SLC9A5: variants seen among roughly 807,000 people sequenced by gnomAD.
The protein encoded by SLC9A5 is sodium/hydrogen exchanger 5.
SLC9A5 carries 52 observed loss-of-function variants against 91.7 expected under a neutral mutation model. The ratio of observed to expected loss-of-function variants is 0.57; its 90% confidence interval spans 0.45 to 0.71. The LOEUF is 0.71. Ranked by LOEUF, SLC9A5 falls within the 30% of genes least tolerant of loss-of-function variation. The pLI, the probability that SLC9A5 is intolerant of heterozygous loss-of-function variation, is 0.00. For missense variants in SLC9A5, 871 were observed against 1,158.9 expected (o/e 0.75, Z 3.61); for synonymous variants, 419 against 474.5 (o/e 0.88, Z 1.52).
intron 1 of SLC9A5, among the ~76,000 whole-genome samples, chr16:67,251,985 A>C (rs1221284322): frequency 6.6e-6 from 1 of 152,172 alleles, no homozygotes; most frequent in Non-Finnish European, 1.5e-5. Context: ...CTGAGGATGA[A>C]AGTATAAAGG....
At position 67,248,982 on chromosome 16, in the gene SLC9A5, C is replaced by T. The variant is rs2034990917; in HGVS notation, c.-33C>T. The T allele has an allele frequency of 4.2e-6, 5 of 1,188,256 alleles. No homozygotes were observed. The highest frequency in any genetic ancestry group is 3.1e-6 in the Non-Finnish European group (3 of 959,618). The allele number at this position is 1,188,256 out of a possible 1,614,324, so 73.6% of individuals were successfully genotyped here. On this transcript the variant is annotated 5_prime_UTR_variant, in exon 1 of 16. Transcript: ENST00000299798. The surrounding 1 kb of genome is among the most constrained non-coding windows in gnomAD (Gnocchi z 5.3). Reference sequence around the variant, plus strand: ...CGGCGACGCGGGGCCGGCGGCCGTGCGGTGCCGGGAGGGCGGCTGGGCAGG... The same window carrying T: ...CGGCGACGCGGGGCCGGCGGCCGTGTGGTGCCGGGAGGGCGGCTGGGCAGG...
chr16:67,265,084 A>G lies in SLC9A5; in HGVS notation c.2058A>G (p.Arg686=). Residue 686 remains arginine (R), a synonymous_variant, in exon 14 of 16, where the codon CGA becomes CGG. Transcript: ENST00000299798. ...ANAEATNGKH[R]GLGFQDTAAV... ...CTGAGGCTACAAATGGGAAACATCG[A>G]GGCCTGGGCTTTCAGGACACAGGCA... is the stretch of plus-strand genomic sequence containing the variant. The G allele has an allele frequency of 6.2e-7, 1 of 1,614,124 alleles. No homozygotes were observed. The highest frequency in any genetic ancestry group is 8.5e-7 in the Non-Finnish European group (1 of 1,180,020).
chr16:67,249,169 T>C lies in SLC9A5; in HGVS notation c.155T>C (p.Leu52Pro). The change falls in exon 1 of 16, where the codon CTG (leucine) becomes CCG (proline). Residue 52 changes from leucine to proline, a missense_variant. Leu to Pro is a moderately conservative substitution (Grantham distance 98). Around this residue, in one of 3 missense-constraint regions of SLC9A5, gnomAD observed 122 missense variants for 114.5 expected, o/e 1.07. Transcript: ENST00000299798. ...GTGGAGGCGCCCTACCTGGTGGCCC[T>C]GTGGATCCTGGTGGCCAGTCTGGCC... The part of the protein sequence containing the change: ...HEVEAPYLVA[L>P]WILVASLAKI... 6.4e-7 allele frequency: 1 copy of C among 1,558,066 alleles called. No homozygotes were observed. The highest frequency in any genetic ancestry group is 8.6e-7 in the Non-Finnish European group (1 of 1,157,930).
intron 2 of SLC9A5, among the ~76,000 whole-genome samples, chr16:67,253,173 C>CT (rs972998282): frequency 6.6e-6 from 1 of 152,182 alleles, no homozygotes; most frequent in African/African-American, 2.4e-5. Context: ...TGAGGCATAG[C>CT]TGTGCATCAT....
In SLC9A5 at chr16:67,266,318, CTATTCACTAGTT is replaced by C. The variant is rs950916210; in HGVS notation, c.2218+100_2218+111del. ...CTCTACTCCAGACAACTCCCTTTTC[CTATTCACTAGTT>C]TATTCATCAGCCAGCATTTGCAGAG... On this transcript the variant is annotated intron_variant, in intron 15 of 15. Coordinates refer to ENST00000299798, the MANE Select transcript of SLC9A5 (RefSeq NM_004594.3). The C allele has an allele frequency of 3.0e-5, 38 of 1,267,962 alleles. No homozygotes were observed. In the African/African-American group the frequency reaches 5.9e-4, roughly 20 times the overall value. The allele number at this position is 1,267,962 out of a possible 1,614,324, so 78.5% of individuals were successfully genotyped here.
chr16:67,259,782 G>A lies in SLC9A5; in HGVS notation c.1716-38G>A, dbSNP rs748638115. The stretch of plus-strand genomic sequence containing the variant: ...CTGCCCTTCTCCTGGACTGCCTCCT[G>A]CCCCCTCTCCAGCACATGTGTCCCC... On this transcript the variant is annotated intron_variant, in intron 11 of 15. Coordinates refer to ENST00000299798, the MANE Select transcript of SLC9A5 (RefSeq NM_004594.3). 7 of 1,608,504 alleles carry A rather than the reference G, an allele frequency of 4.4e-6. No individual in the cohort carries two copies. In the Admixed American group the frequency reaches 6.7e-5, roughly 15 times the overall value.
intron 12 of SLC9A5, chr16:67,263,246 G>T (rs564356080): frequency 6.6e-6 from 1 of 152,310 alleles, no homozygotes; most frequent in Admixed American, 6.6e-5. Flanking sequence ...GGTACCTCCT[G>T]GTGCATAGGT....
In SLC9A5 at chr16:67,255,828, G is replaced by C; in HGVS notation, c.809G>C (p.Arg270Pro). The change falls in exon 5 of 16, where the codon CGC becomes CCC. Residue 270 changes from arginine to proline, a missense_variant. Arg to Pro is a moderately radical substitution (Grantham distance 103). This residue lies in a region of SLC9A5 where 454 missense variants were observed against 718.3 expected (regional missense o/e 0.63). Transcript: ENST00000299798. This position sits in a 1 kb window ranked among gnomAD's most constrained non-coding sequence, Gnocchi z 4.9. ...VFAFLLALTT[R>P]FTKRVRIIEP... Reference sequence around the variant, plus strand: ...GCCTTCCTCCTGGCCCTGACCACACGCTTCACCAAGCGGGTCCGCATCATC... The same window carrying C: ...GCCTTCCTCCTGGCCCTGACCACACCCTTCACCAAGCGGGTCCGCATCATC... The C allele has an allele frequency of 6.2e-7, 1 of 1,610,072 alleles. No individual in the cohort carries two copies. The highest frequency in any genetic ancestry group is 8.5e-7 in the Non-Finnish European group (1 of 1,178,176).
intron 12 of SLC9A5, chr16:67,262,036 G>A: frequency 3.1e-6 from 1 of 317,620 alleles, no homozygotes; most frequent in Non-Finnish European, 6.3e-6. Flanking sequence ...TTAAAAATCT[G>A]GAATAAGTTT....
intron 2 of SLC9A5, among the ~76,000 whole-genome samples, chr16:67,254,018 G>A (rs1261057231): frequency 1.3e-5 from 2 of 152,142 alleles, no homozygotes; most frequent in Non-Finnish European, 2.9e-5. Flanking sequence ...AACTATTTGG[G>A]GCAGGAAGGG....
chr16:67,260,653 G>T (rs1255541547), intron 12 of SLC9A5, among the ~76,000 whole-genome samples: 1 of 152,168 alleles, frequency 6.6e-6, no homozygotes, highest in Non-Finnish European at 1.5e-5. Context: ...AGAGTACTGG[G>T]GGCCTTGAGG....
At chr16:67,266,028 G>A (rs2035687366) in intron 14 of SLC9A5, 60 bp from the exon 15 acceptor site, 1 of 1,600,188 alleles carries the variant, frequency 6.2e-7, no homozygotes. Flanking sequence ...TTGGGGCTGT[G>A]TAGTCCCAAC....
Position 67,256,694 on chromosome 16 carries a change from T to C in SLC9A5, c.1132+5T>C, listed in dbSNP as rs1038650245. 6.2e-7 allele frequency: 1 copy of C among 1,606,544 alleles called. No homozygotes were observed. The highest frequency in any genetic ancestry group is 8.5e-7 in the Non-Finnish European group (1 of 1,175,086). On this transcript the variant is annotated splice_donor_5th_base_variant and intron_variant, in intron 6 of 15. Transcript: ENST00000299798. This position sits in a 1 kb window ranked among gnomAD's most constrained non-coding sequence, Gnocchi z 4.1. ...TCCTGTTCTTCCGAGCCCTCGGTAT[T>C]GCTGGCACCCTCTGCTTTCCCACTC...
Position 67,258,297 on chromosome 16 carries a change from C to T in SLC9A5, c.1497-21C>T, listed in dbSNP as rs758163067. On this transcript the variant is annotated intron_variant, in intron 9 of 15. Transcript: ENST00000299798. This position sits in a 1 kb window ranked among gnomAD's most constrained non-coding sequence, Gnocchi z 4.5. ...AGGCCTTGGGAATGGGACTCAGGGCCGGGCCTGGCATCCTCTGTAGGTGGG... is the reference window on the plus strand; with the variant it reads ...AGGCCTTGGGAATGGGACTCAGGGCTGGGCCTGGCATCCTCTGTAGGTGGG... The T allele has an allele frequency of 6.8e-6, 11 of 1,612,648 alleles. No individual in the cohort carries two copies. The highest frequency in any genetic ancestry group is 8.5e-6 in the Non-Finnish European group (10 of 1,179,792).
Position 67,255,297 on chromosome 16 carries a change from C to A in SLC9A5, c.655-96C>A. On this transcript the variant is annotated intron_variant, in intron 3 of 15. Coordinates refer to ENST00000299798, the MANE Select transcript of SLC9A5 (RefSeq NM_004594.3). This position sits in a 1 kb window ranked among gnomAD's most constrained non-coding sequence, Gnocchi z 4.9. ...TTGGGTCCCCTGGGGCAGAAATATG[C>A]TGTCTGCTTTCACCCTGCTCTCCCA... 6.6e-7 allele frequency: 1 copy of A among 1,517,784 alleles called. No homozygotes were observed. Among genetic ancestry groups the A allele is most frequent in the South Asian group, 1.2e-5 (1 of 84,116 alleles). 94.0% of individuals were successfully genotyped at this position (1,517,784 alleles called of 1,614,324 possible). A position where few individuals can be genotyped will look rare whatever the true frequency, so the allele number is the denominator to read the frequency against.
Position 67,259,603 on chromosome 16 carries a change from A to G in SLC9A5, c.1657A>G (p.Thr553Ala). ...CCACGTCTTGTCTTCCACAGGTCTC[A>G]CTCTGCCTTCTATGCCCAGCCGCAA... ...GGHVLSSTGL[T>A]LPSMPSRNSV... Residue 553 changes from threonine (T) to alanine (A), a missense_variant, in exon 11 of 16, where the codon ACT (threonine) becomes GCT (alanine). By Grantham distance (58) the Thr-to-Ala change is moderately conservative. Transcript: ENST00000299798. The G allele has an allele frequency of 2.5e-6, 4 of 1,613,946 alleles. No individual in the cohort carries two copies. Among genetic ancestry groups the G allele is most frequent in the Non-Finnish European group, 3.4e-6 (4 of 1,179,974 alleles).
chr16:67,249,639 C>A (rs933923794), intron 1 of SLC9A5, among the ~76,000 whole-genome samples: 4 of 152,294 alleles, frequency 2.6e-5, no homozygotes, highest in Admixed American at 2.0e-4. Flanking sequence ...AGCAGCCTTC[C>A]CTGGAGACCA....
In SLC9A5 at chr16:67,252,960, T is replaced by G; in HGVS notation, c.490+116T>G. ...CCCTGAAAGCTCCATCCTAGGTCCC[T>G]CCCTCTGGAGTGCAAGGCAGTGCTC... On this transcript the variant is annotated intron_variant, in intron 2 of 15. Transcript: ENST00000299798. This position sits in a 1 kb window ranked among gnomAD's most constrained non-coding sequence, Gnocchi z 4.0. 3 of 980,002 alleles carry G rather than the reference T, an allele frequency of 3.1e-6. No homozygotes were observed. The highest frequency in any genetic ancestry group is 4.4e-6 in the Non-Finnish European group (3 of 677,774). The allele number at this position is 980,002 out of a possible 1,614,324, so 60.7% of individuals were successfully genotyped here.
In SLC9A5 at chr16:67,253,131, T is replaced by G. The variant is rs183044787; in HGVS notation, c.490+287T>G. Among the ~76,000 whole-genome samples the G allele has an allele frequency of 1.5e-3, 226 of 152,316 alleles. 1 individual carries two copies. Among genetic ancestry groups the G allele is most frequent in the African/African-American group, 5.0e-3 (206 of 41,574 alleles). ...CATTCTGTTGCCTCCTGCCCTCTGT[T>G]ACCACATTGCCATTTGCCAGCCCGT... On this transcript the variant is annotated intron_variant, in intron 2 of 15. Coordinates refer to ENST00000299798, the MANE Select transcript of SLC9A5 (RefSeq NM_004594.3).
Sources: gnomAD v4.1 joint callset for allele counts (sites outside exome capture counted in the v4.1 genomes callset) on GRCh38, gnomAD v4.1.1 for gene constraint, gnomAD v4.1.1 regional missense constraint, Gnocchi (gnomAD v3.1) non-coding constraint, MANE v1.5 for transcripts, NCBI Gene and HGNC (gene_info 2026-07-23, HGNC 2026-07-21) for gene names.